Variants in TGFB1 observed in about 807,000 individuals in gnomAD.
TGFB1 encodes transforming growth factor beta-1 proprotein.
TGFB1 carries 19 observed loss-of-function variants against 43.8 expected under a neutral mutation model. The ratio of observed to expected loss-of-function variants is 0.43; its 90% CI spans 0.30 to 0.64. The LOEUF (loss-of-function observed/expected upper bound fraction) is 0.64, where lower values mean the gene tolerates loss of function less well. Ranked by LOEUF, TGFB1 falls within the 30% of genes least tolerant of loss-of-function variation. The pLI is 0.11. For synonymous variants in TGFB1, 221 were observed against 236.3 expected (o/e 0.94, Z 0.60); for missense variants, 445 against 529.8 (o/e 0.84, Z 1.57).
chr19:41,340,854 GC>G (rs1801487778), intron 5 of TGFB1, among the ~76,000 whole-genome samples: 1 of 152,118 alleles, frequency 6.6e-6, no homozygotes, highest in South Asian at 2.1e-4. Flanking sequence ...CAATGTTTCA[GC>G]TTTCCTTGAG....
chr19:41,345,219 G>C (rs1022486574), intron 2 of TGFB1, among the ~76,000 whole-genome samples: 7 of 152,096 alleles, frequency 4.6e-5, no homozygotes, highest in African/African-American at 1.4e-4. Context: ...ATTCTGGGCC[G>C]GGCGCAGTGG....
intron 2 of TGFB1, 73 bp downstream of exon 2, chr19:41,348,222 A>G: frequency 6.3e-7 from 1 of 1,588,292 alleles, no homozygotes; most frequent in Non-Finnish European, 8.6e-7. Flanking sequence ...CAGCCGACCC[A>G]CAGCCACCCC....
chr19:41,345,102 T>C (rs2038101288), intron 2 of TGFB1, among the ~76,000 whole-genome samples: 1 of 152,184 alleles, frequency 6.6e-6, no homozygotes, highest in Admixed American at 6.5e-5. Context: ...TTCACACAGC[T>C]CAGCCGAAGG....
chr19:41,342,203 T>C lies in TGFB1; in HGVS notation c.679A>G (p.Ser227Gly). 6.2e-7 allele frequency: 1 copy of C among 1,608,490 alleles called. No homozygotes were observed. Among genetic ancestry groups the C allele is most frequent in the Non-Finnish European group, 8.5e-7 (1 of 1,177,414 alleles). Residue 227 changes from serine (S) to glycine (G), a missense_variant, in exon 4 of 7, where the codon AGC becomes GGC. Transcript: ENST00000221930. Reference protein sequence around the residue: ...FRLSAHCSCDSRDNTLQVDIN... With the variant: ...FRLSAHCSCDGRDNTLQVDIN... Reference sequence around the variant, plus strand: ...TCCACTTGCAGTGTGTTATCCCTGCTGTCACAGGAGCAGTGGGCGCTAAGG... The same window carrying C: ...TCCACTTGCAGTGTGTTATCCCTGCCGTCACAGGAGCAGTGGGCGCTAAGG...
intron 5 of TGFB1, among the ~76,000 whole-genome samples, chr19:41,334,055 T>G (rs1599883445): frequency 6.6e-6 from 1 of 152,220 alleles, no homozygotes. Flanking sequence ...TCTGCCTGCC[T>G]TCTTCTGGTT....
chr19:41,337,519 C>T (rs1052470640), intron 5 of TGFB1, among the ~76,000 whole-genome samples: 2 of 152,096 alleles, frequency 1.3e-5, no homozygotes, highest in African/African-American at 4.8e-5. Context: ...TCAAGTGATC[C>T]ACCTGCCTCA....
Position 41,331,000 on chromosome 19 carries a change from C to T in TGFB1, c.*52G>A. 1 of 932,056 alleles carries T rather than the reference C, an allele frequency of 1.1e-6. No homozygotes were observed. The highest frequency in any genetic ancestry group is 1.2e-6 in the Non-Finnish European group (1 of 809,192). 57.7% of individuals were successfully genotyped at this position (932,056 alleles called of 1,614,324 possible). A position where few individuals can be genotyped will look rare whatever the true frequency, so the allele number is the denominator to read the frequency against. On this transcript the variant is annotated 3_prime_UTR_variant, in exon 7 of 7. Transcript: ENST00000221930. ...GCCCCCATGGGCAAGGCAGCGGGGG[C>T]GGGGCGGGGTGGGGCCGGGCCTGCC...
At chr19:41,333,850 C>T (rs571964316) in intron 5 of TGFB1, among the ~76,000 whole-genome samples, 4 of 152,168 alleles carry the variant, frequency 2.6e-5, no homozygotes, top group Admixed American at 2.6e-4. Context: ...TAGTGCAATA[C>T]GGTATTGCAG....
At chr19:41,351,978 G>A (rs1333256938) in intron 1 of TGFB1, among the ~76,000 whole-genome samples, 3 of 151,834 alleles carry the variant, frequency 2.0e-5, no homozygotes, top group Non-Finnish European at 4.4e-5. Flanking sequence ...GTGAAACACC[G>A]AGGACACCTC....
intron 5 of TGFB1, among the ~76,000 whole-genome samples, chr19:41,334,955 G>A (rs2037973243): frequency 6.6e-6 from 1 of 151,742 alleles, no homozygotes. Flanking sequence ...ATATGCACAT[G>A]TGTGTATGTA....
At chr19:41,348,226 C>G in intron 2 of TGFB1, 69 bp downstream of exon 2, 1 of 1,592,934 alleles carries the variant, frequency 6.3e-7, no homozygotes, top group Non-Finnish European at 8.6e-7. Context: ...CGACCCACAG[C>G]CACCCCCTTG....
chr19:41,345,961 T>C (rs1277100750), intron 2 of TGFB1, among the ~76,000 whole-genome samples: 1 of 152,084 alleles, frequency 6.6e-6, no homozygotes, highest in Non-Finnish European at 1.5e-5. Context: ...GATTTCCACT[T>C]CTAGAGCCTG....
chr19:41,332,034 A>C, intron 6 of TGFB1, 94 bp downstream of exon 6: 3 of 1,490,058 alleles, frequency 2.0e-6, no homozygotes, highest in African/African-American at 2.9e-5. Context: ...CATCCTGCCA[A>C]CTCACCTCTC....
chr19:41,349,263 C>A (rs979961937), intron 1 of TGFB1, among the ~76,000 whole-genome samples: 8 of 152,228 alleles, frequency 5.3e-5, no homozygotes, highest in African/African-American at 1.9e-4. Context: ...TAACATTAAG[C>A]TCCCTGCATT....
intron 5 of TGFB1, among the ~76,000 whole-genome samples, chr19:41,341,433 C>G (rs1438603571): frequency 1.4e-5 from 2 of 139,904 alleles, no homozygotes; most frequent in African/African-American, 5.6e-5. Flanking sequence ...CGCCACTGCA[C>G]TCCAGCCCAG....
chr19:41,343,724 G>A (rs952185810), intron 3 of TGFB1, among the ~76,000 whole-genome samples: 2 of 152,112 alleles, frequency 1.3e-5, no homozygotes, highest in African/African-American at 4.8e-5. Context: ...GCCCCATGAG[G>A]GCAGAACTGA....
chr19:41,331,052 T>G lies in TGFB1; in HGVS notation c.1173A>C (p.Ter391CysextTer101). Residue 391 changes from the stop codon to cysteine (C), a stop_lost, in exon 7 of 7, where the codon TGA (stop) becomes TGC (cysteine). Transcript: ENST00000221930. ...GGGCGGGGCGGGGCGGGGCGGGACCTCAGCTGCACTTGCAGGAGCGCACGA... is the reference window on the plus strand; with the variant it reads ...GGGCGGGGCGGGGCGGGGCGGGACCGCAGCTGCACTTGCAGGAGCGCACGA... ...NMIVRSCKCS[*>C] 2 of 1,555,220 alleles carry G rather than the reference T, an allele frequency of 1.3e-6. No individual in the cohort carries two copies. Among genetic ancestry groups the G allele is most frequent in the Non-Finnish European group, 1.7e-6 (2 of 1,152,534 alleles).
At chr19:41,349,407 A>C (rs1040062526) in intron 1 of TGFB1, among the ~76,000 whole-genome samples, 1 of 152,226 alleles carries the variant, frequency 6.6e-6, no homozygotes, top group Admixed American at 6.5e-5. Flanking sequence ...TAGATGACCC[A>C]GGTCAAGCCA....
chr19:41,347,189 AT>A (rs1372000150), intron 2 of TGFB1, among the ~76,000 whole-genome samples: 3 of 152,018 alleles, frequency 2.0e-5, no homozygotes, highest in Non-Finnish European at 4.4e-5. Flanking sequence ...TAACAGGCTA[AT>A]TTTAGTATTT....
Sources: allele counts gnomAD v4.1 joint callset (sites outside exome capture counted in the v4.1 genomes callset), GRCh38; gene constraint gnomAD v4.1.1; transcripts MANE v1.5; gene names NCBI Gene and HGNC (gene_info 2026-07-23, HGNC 2026-07-21).